CNTLN: variants seen among roughly 807,000 people sequenced by gnomAD.
CNTLN encodes the protein centlein.
CNTLN carries 212 observed loss-of-function variants against 180.0 expected under a neutral mutation model. The ratio of observed to expected loss-of-function variants is 1.18; its 90% CI spans 1.05 to 1.32. CNTLN has a LOEUF of 1.32. CNTLN is among the 40% of genes most tolerant of loss of function. The pLI is 0.00. For synonymous variants in CNTLN, 722 were observed against 563.1 expected (o/e 1.28, Z -3.99); for missense variants, 2,095 against 1,610.9 (o/e 1.30, Z -5.14).
intron 5 of CNTLN, among the ~76,000 whole-genome samples, chr9:17,243,489 C>G (rs1825617859): frequency 6.6e-6 from 1 of 152,046 alleles, no homozygotes; most frequent in Non-Finnish European, 1.5e-5. Context: ...CACTGTAGCC[C>G]ATAGATTTTG....
At chr9:17,299,527 T>G (rs977797961) in intron 7 of CNTLN, 8 of 985,088 alleles carry the variant, frequency 8.1e-6, no homozygotes, top group African/African-American at 7.0e-5. Context: ...TAAACACATA[T>G]TTTTAAATGA....
chr9:17,150,565 GT>G (rs1818791018), intron 2 of CNTLN, among the ~76,000 whole-genome samples: 1 of 152,190 alleles, frequency 6.6e-6, no homozygotes, highest in Admixed American at 6.5e-5. Flanking sequence ...TTGAAGTGTA[GT>G]TTGAAGTCAG....
chr9:17,461,839 A>G (rs1232657002), intron 19 of CNTLN, among the ~76,000 whole-genome samples: 1 of 151,766 alleles, frequency 6.6e-6, no homozygotes, highest in African/African-American at 2.4e-5. Flanking sequence ...GAAAAACTAA[A>G]TACCAAAAAG....
intron 8 of CNTLN, among the ~76,000 whole-genome samples, chr9:17,316,772 C>G (rs1819565791): frequency 6.6e-6 from 1 of 151,430 alleles, no homozygotes; most frequent in Non-Finnish European, 1.5e-5. Context: ...TATTTTAATC[C>G]CTTTGTTTTT....
At chr9:17,322,634 A>G (rs1427673592) in intron 8 of CNTLN, among the ~76,000 whole-genome samples, 1 of 151,956 alleles carries the variant, frequency 6.6e-6, no homozygotes, top group Non-Finnish European at 1.5e-5. Context: ...TCCTACTATT[A>G]TTCAAAATTA....
intron 8 of CNTLN, among the ~76,000 whole-genome samples, chr9:17,318,208 T>C (rs985088385): frequency 2.6e-5 from 4 of 151,808 alleles, no homozygotes; most frequent in Non-Finnish European, 5.9e-5. Flanking sequence ...TTTTTGTATT[T>C]TTAGTAGAGA....
intron 9 of CNTLN, 77 bp from the exon 10 acceptor site, chr9:17,332,528 C>A: frequency 1.5e-6 from 2 of 1,321,884 alleles, no homozygotes; most frequent in Non-Finnish European, 1.0e-6. Flanking sequence ...TTCAAAATTA[C>A]TTGTTCTTTA....
chr9:17,200,702 C>T (rs926436840), intron 2 of CNTLN, among the ~76,000 whole-genome samples: 1 of 152,134 alleles, frequency 6.6e-6, no homozygotes, highest in Admixed American at 6.5e-5. Context: ...TGAGACTTTG[C>T]TGAAGTTGCT....
At chr9:17,346,268 T>A (rs1479675643) in intron 12 of CNTLN, among the ~76,000 whole-genome samples, 1 of 151,986 alleles carries the variant, frequency 6.6e-6, no homozygotes, top group Non-Finnish European at 1.5e-5. Context: ...CTCACTAGCA[T>A]GAGAACAGCA....
In CNTLN at chr9:17,366,676, C is replaced by T. The variant is rs201258471; in HGVS notation, c.1946C>T (p.Ala649Val). The T allele has an allele frequency of 3.8e-6, 6 of 1,585,432 alleles. No homozygotes were observed. The highest frequency in any genetic ancestry group is 1.7e-5 in the Admixed American group (1 of 57,468). The change falls in exon 13 of 26, where the codon GCA (alanine) becomes GTA (valine). Residue 649 changes from alanine to valine, a missense_variant. Coordinates refer to ENST00000380647, the MANE Select transcript of CNTLN (RefSeq NM_017738.4). ...LKVHISIDKAAIQELNRCVAE... is the reference protein window; with the variant it reads ...LKVHISIDKAVIQELNRCVAE... ...GTACATATATCTATTGATAAGGCAG[C>T]AATACAAGAATTGAATAGATGTGTG...
chr9:17,294,699 A>T (rs1409320585), intron 6 of CNTLN, among the ~76,000 whole-genome samples: 1 of 142,540 alleles, frequency 7.0e-6, no homozygotes, highest in Non-Finnish European at 1.5e-5. Context: ...CAGCCCTTGG[A>T]TGGGACTGGC....
At chr9:17,186,028 G>C (rs1821417879) in intron 2 of CNTLN, among the ~76,000 whole-genome samples, 1 of 152,118 alleles carries the variant, frequency 6.6e-6, no homozygotes, top group Non-Finnish European at 1.5e-5. Flanking sequence ...TTGAGCTCAA[G>C]TTATCCTCCT....
At chr9:17,184,385 A>G (rs1163651146) in intron 2 of CNTLN, among the ~76,000 whole-genome samples, 1 of 152,198 alleles carries the variant, frequency 6.6e-6, no homozygotes, top group East Asian at 1.9e-4. Flanking sequence ...AGTTAAAATC[A>G]GAAGCAATTG....
chr9:17,136,358 C>G (rs1195345080), intron 1 of CNTLN, among the ~76,000 whole-genome samples: 1 of 152,168 alleles, frequency 6.6e-6, no homozygotes, highest in African/African-American at 2.4e-5. Context: ...TCATGAAATT[C>G]ATTCTCTGTC....
chr9:17,159,838 C>T (rs1819555212), intron 2 of CNTLN, among the ~76,000 whole-genome samples: 1 of 152,168 alleles, frequency 6.6e-6, no homozygotes, highest in African/African-American at 2.4e-5. Context: ...GATGTTTCTT[C>T]ATTTGCTGTT....
At position 17,409,278 on chromosome 9, in the gene CNTLN, C is replaced by G; in HGVS notation, c.2616-15C>G. 1 of 1,601,840 alleles carries G rather than the reference C, an allele frequency of 6.2e-7. No individual in the cohort carries two copies. The highest frequency in any genetic ancestry group is 8.5e-7 in the Non-Finnish European group (1 of 1,176,748). On this transcript the variant is annotated splice_polypyrimidine_tract_variant and intron_variant, in intron 15 of 25. Coordinates refer to ENST00000380647, the MANE Select transcript of CNTLN (RefSeq NM_017738.4). ...TTTATTCTTGGATTTTATGTCCCTA[C>G]TTTTTTCTAAAAAGCAGTGATTCTG...
intron 8 of CNTLN, among the ~76,000 whole-genome samples, chr9:17,314,184 T>C (rs1819394395): frequency 6.6e-6 from 1 of 152,246 alleles, no homozygotes; most frequent in South Asian, 2.1e-4. Context: ...TATAAGTCCT[T>C]GTTATAGTAG....
At chr9:17,414,960 C>T (rs1017673910) in intron 16 of CNTLN, among the ~76,000 whole-genome samples, 1 of 151,906 alleles carries the variant, frequency 6.6e-6, no homozygotes, top group Non-Finnish European at 1.5e-5. Flanking sequence ...GGTGGTGGTC[C>T]CTGTAGTCCC....
chr9:17,482,582 G>T (rs1257733375), intron 23 of CNTLN, among the ~76,000 whole-genome samples: 1 of 151,768 alleles, frequency 6.6e-6, no homozygotes, highest in South Asian at 2.1e-4. Context: ...TTAAGGGGCA[G>T]AGAATCTACA....
Sources: allele counts gnomAD v4.1 joint callset (sites outside exome capture counted in the v4.1 genomes callset), GRCh38; gene constraint gnomAD v4.1.1; transcripts MANE v1.5; gene names NCBI Gene and HGNC (gene_info 2026-07-23, HGNC 2026-07-21).